The following CELF2 variants were observed in gnomAD, a reference collection of about 807,000 sequenced individuals.
The protein encoded by CELF2 is CUGBP Elav-like family member 2, also known as CUG triplet repeat RNA-binding protein 2.
In CELF2, 8 loss-of-function variants were observed where a neutral mutation model predicts 62.6. The observed-to-expected ratio is 0.13, with a 90% CI of 0.07 to 0.23. The LOEUF is 0.23. Among genes scored for constraint, CELF2 ranks in the 10% least tolerant of loss-of-function variants. CELF2 has a pLI of 1.00. For synonymous variants in CELF2, 258 were observed against 250.0 expected (o/e 1.03, Z -0.30); for missense variants, 333 against 671.0 (o/e 0.50, Z 5.56).
In CELF2 at chr10:11,246,427, C is replaced by G. The variant is rs2653523; in HGVS notation, c.355-2726C>G. 0.64 allele frequency among the ~76,000 whole-genome samples: 96,868 copies of G among 151,984 alleles called. 31,360 individuals carry two copies. Among genetic ancestry groups the G allele is most frequent in the East Asian group, 0.9 (4,638 of 5,170 alleles). On this transcript the variant is annotated intron_variant, in intron 3 of 12. Coordinates refer to ENST00000633077, the MANE Select transcript of CELF2 (RefSeq NM_001326342.2). This position sits in a 1 kb window ranked among gnomAD's most constrained non-coding sequence, Gnocchi z 4.6. Reference sequence around the variant, plus strand: ...CTGTTGAACTCCCTTTGCAGGTGACCTCAAAATAGAAGAAGCCCTCATTCA... The same window carrying G: ...CTGTTGAACTCCCTTTGCAGGTGACGTCAAAATAGAAGAAGCCCTCATTCA...
At chr10:11,073,908 G>C (rs761576329) in intron 1 of CELF2, among the ~76,000 whole-genome samples, 6 of 152,164 alleles carry the variant, frequency 3.9e-5, no homozygotes, top group Non-Finnish European at 7.4e-5. Flanking sequence ...TTTTCATACT[G>C]TTATCAAATG....
rs188787375 is a variant in CELF2, at chr10:10,951,803, C to T, written c.89+31804C>T. 4.6e-5 allele frequency: 7 copies of T among 152,516 alleles called. No individual in the cohort carries two copies. In the East Asian group the frequency reaches 9.6e-4, roughly 21 times the overall value. The allele number at this position is 152,516 out of a possible 1,614,324, so 9.4% of individuals were successfully genotyped here. A position where few individuals can be genotyped will look rare whatever the true frequency, so the allele number is the denominator to read the frequency against. On this transcript the variant is annotated intron_variant, in intron 2 of 13. Transcript: ENST00000636488. Reference sequence around the variant, plus strand: ...TCCACCTACACAACCCACCCCCAGCCTTTCTCCTCCCATGGGCCCAGCAGC... The same window carrying T: ...TCCACCTACACAACCCACCCCCAGCTTTTCTCCTCCCATGGGCCCAGCAGC...
the CELF2 span, among the ~76,000 whole-genome samples, chr10:10,577,387 T>TATTATTATTATTATTATC: frequency 1.3e-5 from 2 of 150,182 alleles, no homozygotes; most frequent in Non-Finnish European, 3.0e-5. Flanking sequence ...TTATTATTAT[T>TATTATTATTATTATTATC]ATTATTATAC....
intron 1 of CELF2, among the ~76,000 whole-genome samples, chr10:10,902,790 G>T (rs529039494): frequency 6.7e-6 from 1 of 148,362 alleles, no homozygotes; most frequent in South Asian, 2.2e-4. Flanking sequence ...GAGGAGAGGG[G>T]AGGAGAGGAA....
rs1318554292 is a variant in CELF2, at chr10:11,329,663, T to G, written c.*610T>G. On this transcript the variant is annotated 3_prime_UTR_variant, in exon 13 of 13. Coordinates refer to ENST00000633077, the MANE Select transcript of CELF2 (RefSeq NM_001326342.2). This position sits in a 1 kb window ranked among gnomAD's most constrained non-coding sequence, Gnocchi z 5.5. ...TTTTAGGGTTCAAAGAAACATGACA[T>G]TTATTGGTCAAAATATTACACTGGT... is the stretch of plus-strand genomic sequence containing the variant. 6.6e-6 allele frequency: 1 copy of G among 152,632 alleles called. No homozygotes were observed. Among genetic ancestry groups the G allele is most frequent in the Non-Finnish European group, 1.5e-5 (1 of 68,046 alleles). The allele number at this position is 152,632 out of a possible 1,614,324, so 9.5% of individuals were successfully genotyped here.
intron 3 of CELF2, among the ~76,000 whole-genome samples, chr10:11,233,565 C>A (rs1029074258): frequency 2.0e-5 from 3 of 152,216 alleles, no homozygotes; most frequent in African/African-American, 7.2e-5. Flanking sequence ...TTCAAATGGT[C>A]TACAGGAAAT....
At chr10:10,736,380 C>CTTTCTTTCTTTA in the CELF2 span, among the ~76,000 whole-genome samples, 1 of 94,926 alleles carries the variant, frequency 1.1e-5, no homozygotes, top group Admixed American at 9.5e-5. Context: ...TTCTTTCTTT[C>CTTTCTTTCTTTA]TTTCTTTCTT....
the CELF2 span, among the ~76,000 whole-genome samples, chr10:10,719,217 C>G: frequency 6.6e-6 from 1 of 152,002 alleles, no homozygotes; most frequent in Non-Finnish European, 1.5e-5. Flanking sequence ...CTCGGCTTCT[C>G]AAAGTGCTGG....
chr10:11,139,117 G>A (rs59569736), intron 1 of CELF2, among the ~76,000 whole-genome samples: 4,779 of 152,206 alleles, frequency 0.031, 93 homozygotes, highest in Middle Eastern at 0.048. Flanking sequence ...TTTTTCAGCC[G>A]CCCTGTATAA....
intron 5 of CELF2, among the ~76,000 whole-genome samples, chr10:11,258,349 G>A (rs1172503240): frequency 2.0e-5 from 3 of 152,274 alleles, no homozygotes; most frequent in East Asian, 1.9e-4. Flanking sequence ...AGGGATGTAG[G>A]GTAACTGGGC....
At chr10:11,041,901 ACTT>A (rs1167847396) in intron 1 of CELF2, among the ~76,000 whole-genome samples, 1 of 152,204 alleles carries the variant, frequency 6.6e-6, no homozygotes, top group Non-Finnish European at 1.5e-5. Flanking sequence ...TTTGGTGCAT[ACTT>A]CTTTCTAGAT....
At chr10:11,257,650 G>A (rs2079231065) in intron 4 of CELF2, 88 bp from the exon 5 acceptor site, 4 of 1,480,556 alleles carry the variant, frequency 2.7e-6, no homozygotes, top group Non-Finnish European at 3.7e-6. Context: ...TCACATGGCT[G>A]GGGCCTGGTT....
chr10:10,901,973 GA>G (rs2062970206), intron 1 of CELF2, among the ~76,000 whole-genome samples: 1 of 151,818 alleles, frequency 6.6e-6, no homozygotes, highest in African/African-American at 2.4e-5. Context: ...TAAGCACACA[GA>G]AAGATTCTCA....
chr10:10,515,972 G>T, the CELF2 span, among the ~76,000 whole-genome samples: 1 of 152,160 alleles, frequency 6.6e-6, no homozygotes, highest in Non-Finnish European at 1.5e-5. Context: ...TCTTAGATTT[G>T]ATAAGAGACG....
rs757366738 is a variant in CELF2 at position 10,937,006 on chromosome 10, T to C, written c.89+17007T>C. Reference sequence around the variant, plus strand: ...TAACCGACACTTGCCAAGTCTCTCATCCGGAGCTTTAAGAATTTGATGCTT... The same window carrying C: ...TAACCGACACTTGCCAAGTCTCTCACCCGGAGCTTTAAGAATTTGATGCTT... On this transcript the variant is annotated intron_variant, in intron 2 of 13. Transcript: ENST00000636488. Among the ~76,000 whole-genome samples the C allele has an allele frequency of 8.5e-5, 13 of 152,226 alleles. No individual in the cohort carries two copies. The South Asian group carries it at 1.7e-3, about 19-fold the overall frequency.
chr10:11,208,273 G>A (rs974452038), intron 2 of CELF2, among the ~76,000 whole-genome samples: 1 of 151,792 alleles, frequency 6.6e-6, no homozygotes, highest in Non-Finnish European at 1.5e-5. Context: ...AAGAGTCCCT[G>A]ACAAGAGGCA....
chr10:10,500,672 T>C, the CELF2 span, among the ~76,000 whole-genome samples: 1 of 152,114 alleles, frequency 6.6e-6, no homozygotes, highest in Admixed American at 6.6e-5. Flanking sequence ...AGCATGAAAA[T>C]GGACTAATAC....
chr10:10,462,803 C>T, the CELF2 span, among the ~76,000 whole-genome samples: 8,870 of 151,882 alleles, frequency 0.058, 357 homozygotes, highest in Non-Finnish European at 0.092. Flanking sequence ...CTGTCTACCC[C>T]GATGATGCTT....
At chr10:10,528,365 A>G in the CELF2 span, among the ~76,000 whole-genome samples, 2 of 152,222 alleles carry the variant, frequency 1.3e-5, no homozygotes, top group Non-Finnish European at 2.9e-5. Context: ...CTTCTTCACC[A>G]TGACCCTGTA....
Sources: allele counts gnomAD v4.1 joint callset (sites outside exome capture counted in the v4.1 genomes callset), GRCh38; gene constraint gnomAD v4.1.1; non-coding constraint Gnocchi (gnomAD v3.1); transcripts MANE v1.5; gene names NCBI Gene and HGNC (gene_info 2026-07-23, HGNC 2026-07-21).